The following ADAMTSL1 variants were observed in gnomAD, a reference collection of about 807,000 sequenced individuals.
The protein encoded by ADAMTSL1 is ADAMTS like 1.
A neutral mutation model predicts 201.8 loss-of-function variants in ADAMTSL1; 126 were observed. The observed-to-expected ratio is 0.62, with a 90% CI of 0.54 to 0.72. The LOEUF (loss-of-function observed/expected upper bound fraction) is 0.72. Among genes scored for constraint, ADAMTSL1 ranks in the 30% least tolerant of loss-of-function variants. The pLI is 0.00. For missense variants in ADAMTSL1, 2,679 were observed against 2,277.8 expected, an observed-to-expected ratio of 1.18 and a Z score of -3.59; for synonymous variants, 1,121 against 903.4, an observed-to-expected ratio of 1.24 and a Z score of -4.32.
intron 2 of ADAMTSL1, among the ~76,000 whole-genome samples, chr9:18,286,438 C>T (rs1381280927): frequency 6.6e-6 from 1 of 152,220 alleles, no homozygotes; most frequent in African/African-American, 2.4e-5. Flanking sequence ...GACTAGTTAG[C>T]TGGCTCCTGT....
intron 1 of ADAMTSL1, among the ~76,000 whole-genome samples, chr9:17,999,529 T>A (rs1819525345): frequency 1.3e-5 from 2 of 152,096 alleles, no homozygotes; most frequent in South Asian, 4.1e-4. Context: ...TCTATTGAGA[T>A]TTGGCTTCAA....
chr9:18,318,184 T>C (rs1349969844), intron 2 of ADAMTSL1, among the ~76,000 whole-genome samples: 2 of 152,234 alleles, frequency 1.3e-5, no homozygotes, highest in East Asian at 1.9e-4. Context: ...CTAATTTGCA[T>C]TGGTGAGTTC....
At chr9:18,136,177 A>C (rs1826148617) in intron 1 of ADAMTSL1, among the ~76,000 whole-genome samples, 1 of 152,184 alleles carries the variant, frequency 6.6e-6, no homozygotes, top group African/African-American at 2.4e-5. Context: ...ACCTGGCTGC[A>C]CATCAGAATC....
At chr9:18,818,906 A>C (rs1824028893) in intron 21 of ADAMTSL1, among the ~76,000 whole-genome samples, 2 of 152,200 alleles carry the variant, frequency 1.3e-5, no homozygotes, top group South Asian at 4.1e-4. Context: ...CTCATCAGTG[A>C]AATCTAGAAC....
intron 2 of ADAMTSL1, among the ~76,000 whole-genome samples, chr9:18,184,011 G>C (rs1828618719): frequency 6.6e-6 from 1 of 152,194 alleles, no homozygotes; most frequent in Non-Finnish European, 1.5e-5. Flanking sequence ...AACTCACCCT[G>C]TTGTCTTATT....
intron 1 of ADAMTSL1, among the ~76,000 whole-genome samples, chr9:18,102,010 G>T (rs973527059): frequency 6.6e-6 from 1 of 152,194 alleles, no homozygotes; most frequent in Non-Finnish European, 1.5e-5. Context: ...TTTAGCTCCC[G>T]TGTGTGGGCA....
At chr9:18,542,120 C>CT (rs1219899271) in intron 3 of ADAMTSL1, among the ~76,000 whole-genome samples, 1 of 152,000 alleles carries the variant, frequency 6.6e-6, no homozygotes, top group East Asian at 1.9e-4. Context: ...ATTCTATATG[C>CT]TTTTATAGTG....
chr9:18,061,148 C>G (rs1381532687), intron 1 of ADAMTSL1, among the ~76,000 whole-genome samples: 1 of 152,136 alleles, frequency 6.6e-6, no homozygotes. Flanking sequence ...AAAAAAGAGC[C>G]ATGACTTATT....
At chr9:18,464,116 T>A (rs545224841) in intron 2 of ADAMTSL1, among the ~76,000 whole-genome samples, 1 of 152,354 alleles carries the variant, frequency 6.6e-6, no homozygotes, top group African/African-American at 2.4e-5. Context: ...TACTGTGGAA[T>A]CATTAACTCT....
intron 1 of ADAMTSL1, among the ~76,000 whole-genome samples, chr9:18,020,220 C>T (rs895092754): frequency 3.3e-5 from 5 of 152,002 alleles, no homozygotes; most frequent in Admixed American, 1.3e-4. Flanking sequence ...GGGGAGGGGA[C>T]AGGCAGTTTC....
chr9:18,464,414 A>T (rs1001461947), intron 2 of ADAMTSL1, among the ~76,000 whole-genome samples: 1 of 152,252 alleles, frequency 6.6e-6, no homozygotes, highest in Non-Finnish European at 1.5e-5. Flanking sequence ...ACATTGTATT[A>T]TATGAATTCT....
rs975777676 is a variant in ADAMTSL1 at position 18,051,086 on chromosome 9, G to A, written c.88-112776G>A. On this transcript the variant is annotated intron_variant, in intron 1 of 29. Coordinates refer to the ADAMTSL1 transcript ENST00000680146. ...GGAGGCCAAGGCGGGCAGATCATGA[G>A]GTCAGGAGATGGAGACCATCCTGGC... Among the ~76,000 whole-genome samples, 5 of 152,184 alleles carry A rather than the reference G, an allele frequency of 3.3e-5. No individual in the cohort carries two copies. The South Asian group carries it at 8.3e-4, about 25-fold the overall frequency.
chr9:18,906,824 C>A lies in ADAMTSL1; in HGVS notation c.5094C>A (p.Arg1698=). The A allele has an allele frequency of 6.2e-7, 1 of 1,614,036 alleles. No homozygotes were observed. Among genetic ancestry groups the A allele is most frequent in the Non-Finnish European group, 8.5e-7 (1 of 1,179,884 alleles). ...GGCGTGTGGAGTGTGTGCATGCCCG[C>A]ACCAACAAGGCAGTGCCTGAGCACC... ...QSRRVECVHA[R]TNKAVPEHLC... The change falls in exon 28 of 29, where the codon CGC becomes CGA. Residue 1698 remains arginine, a synonymous_variant. Coordinates refer to ENST00000380548, the MANE Select transcript of ADAMTSL1 (RefSeq NM_001040272.6).
chr9:18,865,664 C>A (rs1233539467), intron 23 of ADAMTSL1, among the ~76,000 whole-genome samples: 1 of 152,176 alleles, frequency 6.6e-6, no homozygotes, highest in African/African-American at 2.4e-5. Flanking sequence ...TCACACCTGG[C>A]TTTGGCTCAG....
At chr9:18,278,963 T>C (rs1463110178) in intron 2 of ADAMTSL1, among the ~76,000 whole-genome samples, 2 of 152,190 alleles carry the variant, frequency 1.3e-5, no homozygotes, top group Non-Finnish European at 2.9e-5. Context: ...AAGCTCTTCA[T>C]AAAACTTTGC....
chr9:18,038,054 G>T (rs2131625867), intron 1 of ADAMTSL1, among the ~76,000 whole-genome samples: 1 of 152,308 alleles, frequency 6.6e-6, no homozygotes, highest in African/African-American at 2.4e-5. Context: ...GGGAAAGTGT[G>T]ATTCAAAGCT....
intron 1 of ADAMTSL1, among the ~76,000 whole-genome samples, chr9:18,126,387 C>T (rs1825729874): frequency 6.6e-6 from 1 of 152,192 alleles, no homozygotes; most frequent in African/African-American, 2.4e-5. Flanking sequence ...GTATTACCCT[C>T]CTCCCGGAAG....
intron 2 of ADAMTSL1, among the ~76,000 whole-genome samples, chr9:18,236,993 A>G (rs1830874175): frequency 6.6e-6 from 1 of 152,266 alleles, no homozygotes; most frequent in African/African-American, 2.4e-5. Flanking sequence ...TTACACAGAT[A>G]ACATTTTTCC....
At chr9:18,650,718 C>CAT (rs1828186813) in intron 7 of ADAMTSL1, among the ~76,000 whole-genome samples, 1 of 152,166 alleles carries the variant, frequency 6.6e-6, no homozygotes, top group Admixed American at 6.5e-5. Context: ...ACTGAATTCT[C>CAT]ATCTTGCTTC....
Sources: gnomAD v4.1 joint callset for allele counts (sites outside exome capture counted in the v4.1 genomes callset) on GRCh38, gnomAD v4.1.1 for gene constraint, MANE v1.5 for transcripts, NCBI Gene and HGNC (gene_info 2026-07-23, HGNC 2026-07-21) for gene names.